Variants in SCHIP1 observed in about 807,000 individuals in gnomAD.
The protein encoded by SCHIP1 is schwannomin interacting protein 1, also known as schwannomin-interacting protein 1.
SCHIP1 carries 8 observed loss-of-function variants against 29.7 expected under a neutral mutation model. That is an observed-to-expected ratio of 0.27 (90% CI 0.16 to 0.49). The LOEUF (loss-of-function observed/expected upper bound fraction) is 0.49, where lower values mean the gene tolerates loss of function less well. SCHIP1 is among the 20% of genes least tolerant of loss of function. The pLI is 0.99. For synonymous variants in SCHIP1, 76 were observed against 94.9 expected, an observed-to-expected ratio of 0.80 and a Z score of 1.16; for missense variants, 193 against 294.6, an observed-to-expected ratio of 0.66 and a Z score of 2.52.
chr3:159,548,401 T>A, the SCHIP1 span, among the ~76,000 whole-genome samples: 1 of 151,982 alleles, frequency 6.6e-6, no homozygotes, highest in South Asian at 2.1e-4. Context: ...TAACATCAGC[T>A]CATTCTTTTT....
At chr3:159,430,996 G>A in the SCHIP1 span, among the ~76,000 whole-genome samples, 1 of 152,140 alleles carries the variant, frequency 6.6e-6, no homozygotes, top group Non-Finnish European at 1.5e-5. Flanking sequence ...ACATGTCCAA[G>A]GAAGGAAATC....
the SCHIP1 span, among the ~76,000 whole-genome samples, chr3:159,569,876 G>T: frequency 1.3e-5 from 2 of 152,164 alleles, no homozygotes; most frequent in African/African-American, 2.4e-5. Flanking sequence ...GGCATGAGAT[G>T]GTATCTCAGT....
At chr3:159,529,150 T>C in the SCHIP1 span, among the ~76,000 whole-genome samples, 2 of 152,160 alleles carry the variant, frequency 1.3e-5, no homozygotes, top group Non-Finnish European at 2.9e-5. Context: ...TATTCAGGCA[T>C]GTGTGATGGC....
chr3:159,445,673 T>C, the SCHIP1 span, among the ~76,000 whole-genome samples: 3 of 152,132 alleles, frequency 2.0e-5, no homozygotes, highest in Admixed American at 1.3e-4. Flanking sequence ...GTGGCACATA[T>C]ATACCATGTA....
At chr3:159,780,323 C>G in the SCHIP1 span, among the ~76,000 whole-genome samples, 77 of 152,314 alleles carry the variant, frequency 5.1e-4, no homozygotes, top group African/African-American at 1.6e-3. Flanking sequence ...AAGTGCTGCT[C>G]CAGTGTCTGC....
chr3:159,349,579 G>T, the SCHIP1 span, among the ~76,000 whole-genome samples: 1 of 152,114 alleles, frequency 6.6e-6, no homozygotes, highest in African/African-American at 2.4e-5. Flanking sequence ...GAAAATATAA[G>T]GTGTCCCTAC....
the SCHIP1 span, among the ~76,000 whole-genome samples, chr3:159,761,829 T>G: frequency 3.3e-5 from 5 of 152,228 alleles, no homozygotes; most frequent in Non-Finnish European, 7.3e-5. Flanking sequence ...TTGCATTCCC[T>G]GAACATGGAC....
At chr3:159,283,370 C>A in the SCHIP1 span, among the ~76,000 whole-genome samples, 1 of 152,106 alleles carries the variant, frequency 6.6e-6, no homozygotes, top group East Asian at 1.9e-4. Context: ...CCAGGCTGGT[C>A]TCGAACTCCT....
the SCHIP1 span, among the ~76,000 whole-genome samples, chr3:159,826,255 C>T: frequency 4.6e-5 from 7 of 152,100 alleles, no homozygotes; most frequent in Admixed American, 3.9e-4. Context: ...TCAAAATGAT[C>T]GAATCAGGGG....
At chr3:159,544,742 T>G in the SCHIP1 span, among the ~76,000 whole-genome samples, 1 of 152,138 alleles carries the variant, frequency 6.6e-6, no homozygotes, top group East Asian at 1.9e-4. Flanking sequence ...ATATTCTGTA[T>G]ATGTGCCCTT....
chr3:159,705,386 ATGTTTGGCTC>A, the SCHIP1 span, among the ~76,000 whole-genome samples: 1 of 152,214 alleles, frequency 6.6e-6, no homozygotes, highest in Non-Finnish European at 1.5e-5. Flanking sequence ...TAAATGGTAC[ATGTTTGGCTC>A]TGTGACTCTG....
At chr3:159,440,045 T>C in the SCHIP1 span, among the ~76,000 whole-genome samples, 1 of 152,190 alleles carries the variant, frequency 6.6e-6, no homozygotes, top group Non-Finnish European at 1.5e-5. Context: ...GGTTTTACAT[T>C]TAAGACTTTA....
At chr3:159,411,373 G>A in the SCHIP1 span, among the ~76,000 whole-genome samples, 351 of 152,166 alleles carry the variant, frequency 2.3e-3, 1 homozygote, top group Non-Finnish European at 4.1e-3. Flanking sequence ...TTGTATGCCT[G>A]TAACAAAATA....
chr3:159,359,930 C>T, the SCHIP1 span, among the ~76,000 whole-genome samples: 5 of 152,172 alleles, frequency 3.3e-5, no homozygotes, highest in South Asian at 2.1e-4. Context: ...GTGAAAACAG[C>T]GACCCATAGG....
chr3:159,470,384 A>T, the SCHIP1 span, among the ~76,000 whole-genome samples: 2 of 152,196 alleles, frequency 1.3e-5, no homozygotes, highest in Non-Finnish European at 2.9e-5. Flanking sequence ...ACCATCTGGC[A>T]TAACAAATGA....
chr3:159,777,155 A>G, the SCHIP1 span, among the ~76,000 whole-genome samples: 1 of 152,214 alleles, frequency 6.6e-6, no homozygotes, highest in African/African-American at 2.4e-5. Flanking sequence ...AGACTAACAA[A>G]TATCTGCTGT....
chr3:159,431,511 A>T, the SCHIP1 span, among the ~76,000 whole-genome samples: 1 of 152,180 alleles, frequency 6.6e-6, no homozygotes, highest in Non-Finnish European at 1.5e-5. Flanking sequence ...AGAGGGAGTG[A>T]GAGGTTGAAA....
the SCHIP1 span, chr3:159,764,952 G>A: frequency 4.0e-6 from 6 of 1,491,716 alleles, no homozygotes; most frequent in Non-Finnish European, 4.4e-6. This position sits in a 1 kb window ranked among gnomAD's most constrained non-coding sequence, Gnocchi z 6.1. Context: ...CTGGGGGCCG[G>A]CGCAGTGGCC....
At chr3:159,561,570 A>C in the SCHIP1 span, among the ~76,000 whole-genome samples, 1 of 152,148 alleles carries the variant, frequency 6.6e-6, no homozygotes, top group Admixed American at 6.5e-5. Context: ...ATTATTGTAC[A>C]TGAAATTGTG....
Sources: gnomAD v4.1 joint callset for allele counts (sites outside exome capture counted in the v4.1 genomes callset) on GRCh38, gnomAD v4.1.1 for gene constraint, Gnocchi (gnomAD v3.1) non-coding constraint, MANE v1.5 for transcripts, NCBI Gene and HGNC (gene_info 2026-07-23, HGNC 2026-07-21) for gene names.